Variants in SERGEF observed in about 807,000 individuals in gnomAD.
SERGEF encodes the protein secretion-regulating guanine nucleotide exchange factor.
SERGEF carries 51 observed loss-of-function variants against 50.0 expected under a neutral mutation model. That is an observed-to-expected ratio of 1.02 (90% CI 0.81 to 1.29). The LOEUF is 1.29. SERGEF is among the 50% of genes most tolerant of loss of function. The pLI is 0.00. For missense variants in SERGEF, 521 were observed against 557.0 expected (o/e 0.94, Z 0.65); for synonymous variants, 205 against 212.4 (o/e 0.97, Z 0.30).
chr11:17,822,459 G>A (rs986185944), intron 10 of SERGEF, among the ~76,000 whole-genome samples: 1 of 152,208 alleles, frequency 6.6e-6, no homozygotes, highest in Non-Finnish European at 1.5e-5. Flanking sequence ...CAAGAGAGGT[G>A]AAGGGGAAGT....
intron 10 of SERGEF, among the ~76,000 whole-genome samples, chr11:17,863,349 C>G (rs555794420): frequency 6.6e-6 from 1 of 152,218 alleles, no homozygotes; most frequent in Non-Finnish European, 1.5e-5. Context: ...TAGTTCTACA[C>G]TGTCTAAACA....
chr11:17,987,313 A>T (rs1445686321), intron 8 of SERGEF, among the ~76,000 whole-genome samples: 1 of 152,224 alleles, frequency 6.6e-6, no homozygotes, highest in African/African-American at 2.4e-5. Flanking sequence ...TTTGATAGGC[A>T]TTGGAGATAC....
intron 10 of SERGEF, chr11:17,856,667 G>A (rs1340625810): frequency 6.6e-6 from 1 of 152,150 alleles, no homozygotes; most frequent in Non-Finnish European, 1.5e-5. Context: ...TGTGAAACAG[G>A]TATAATAATA....
chr11:17,968,235 G>A (rs1317839873), intron 8 of SERGEF, among the ~76,000 whole-genome samples: 4 of 152,180 alleles, frequency 2.6e-5, no homozygotes, highest in Non-Finnish European at 5.9e-5. Context: ...AAGGATATCA[G>A]AGACCATCTA....
chr11:17,915,633 C>T (rs1590195247), intron 9 of SERGEF, among the ~76,000 whole-genome samples: 1 of 152,206 alleles, frequency 6.6e-6, no homozygotes, highest in Non-Finnish European at 1.5e-5. Context: ...TTTCTTTGAT[C>T]TCATAACAGT....
At chr11:17,798,784 C>T (rs1208897211) in intron 10 of SERGEF, among the ~76,000 whole-genome samples, 1 of 152,240 alleles carries the variant, frequency 6.6e-6, no homozygotes. Context: ...CTACTATGAT[C>T]ACATATGGCG....
At chr11:17,972,635 C>T (rs550142371) in intron 8 of SERGEF, among the ~76,000 whole-genome samples, 3 of 152,328 alleles carry the variant, frequency 2.0e-5, no homozygotes, top group East Asian at 3.9e-4. Context: ...TTGTGTGACT[C>T]GCTTTATTGG....
chr11:17,801,217 A>G (rs1296960715), intron 10 of SERGEF, among the ~76,000 whole-genome samples: 4 of 151,926 alleles, frequency 2.6e-5, no homozygotes, highest in African/African-American at 9.7e-5. Flanking sequence ...AAGAAAGAAA[A>G]AAAAATTCAA....
At chr11:17,874,363 GCT>G (rs1851204360) in intron 10 of SERGEF, 1 of 152,216 alleles carries the variant, frequency 6.6e-6, no homozygotes, top group South Asian at 2.1e-4. Flanking sequence ...AATGGCCTCA[GCT>G]CTCTCTTTTC....
At position 17,975,871 on chromosome 11, in the gene SERGEF, C is replaced by T. The variant is rs773598426; in HGVS notation, c.844+12726G>A. Among the ~76,000 whole-genome samples, 8 of 152,284 alleles carry T rather than the reference C, an allele frequency of 5.3e-5. No individual in the cohort carries two copies. In the South Asian group the frequency reaches 8.3e-4, roughly 16 times the overall value. On this transcript the variant is annotated intron_variant, in intron 8 of 10. Coordinates refer to ENST00000265965, the MANE Select transcript of SERGEF (RefSeq NM_012139.4). ...AAGCAAACTACACCACAGAGCACTT[C>T]CCACTTCTATAGATTTTTTCGCAGT...
At chr11:17,903,015 G>A (rs554315539) in intron 9 of SERGEF, among the ~76,000 whole-genome samples, 5 of 152,282 alleles carry the variant, frequency 3.3e-5, no homozygotes, top group Middle Eastern at 3.4e-3. Context: ...GGCTTTCCTC[G>A]GAAGGATAAA....
chr11:17,945,379 C>T (rs1852637976), intron 9 of SERGEF, among the ~76,000 whole-genome samples: 1 of 152,222 alleles, frequency 6.6e-6, no homozygotes, highest in Non-Finnish European at 1.5e-5. Context: ...ATTACACTAT[C>T]TATACCTGCA....
intron 10 of SERGEF, among the ~76,000 whole-genome samples, chr11:17,817,024 A>G (rs370104822): frequency 2.6e-5 from 4 of 152,144 alleles, no homozygotes; most frequent in African/African-American, 7.2e-5. Flanking sequence ...GTATCTGCCT[A>G]AAGACCAGAG....
chr11:17,831,036 C>T (rs765012641), intron 10 of SERGEF, among the ~76,000 whole-genome samples: 7 of 152,192 alleles, frequency 4.6e-5, no homozygotes, highest in East Asian at 3.9e-4. Flanking sequence ...TCTATTTTCA[C>T]GGTAAACTGA....
rs1196707136 is a variant in SERGEF at position 17,896,797 on chromosome 11, G to A, written c.1012-18553C>T. On this transcript the variant is annotated intron_variant, in intron 9 of 10. Transcript: ENST00000265965. ...AAGGGAAGGGTAAGGGAAGGGTAAG[G>A]GAAGGGTAAGGGAAGGGTAAGGGAA... Among the ~76,000 whole-genome samples the A allele has an allele frequency of 8.9e-5, 12 of 134,212 alleles. 1 individual carries two copies. Among genetic ancestry groups the A allele is most frequent in the Non-Finnish European group, 1.9e-4 (12 of 61,770 alleles). 88.0% of individuals were successfully genotyped at this position (134,212 alleles called of 152,430 possible).
At chr11:17,905,417 T>A (rs1264978302) in intron 9 of SERGEF, among the ~76,000 whole-genome samples, 1 of 152,232 alleles carries the variant, frequency 6.6e-6, no homozygotes, top group East Asian at 1.9e-4. Flanking sequence ...ATCTGAGCCC[T>A]TGCTCTGAGG....
At chr11:18,010,204 C>G in intron 1 of SERGEF, 1 of 614,344 alleles carries the variant, frequency 1.6e-6, no homozygotes, top group South Asian at 1.9e-5. Flanking sequence ...TACATACATA[C>G]ATACATAATC....
chr11:17,974,036 G>C (rs1853312963), intron 8 of SERGEF, among the ~76,000 whole-genome samples: 1 of 152,194 alleles, frequency 6.6e-6, no homozygotes, highest in Non-Finnish European at 1.5e-5. Flanking sequence ...AAGGCTAGTA[G>C]ATGGTGTGAC....
intron 10 of SERGEF, among the ~76,000 whole-genome samples, chr11:17,874,515 T>C (rs76587382): frequency 1.5e-3 from 224 of 152,258 alleles, no homozygotes; most frequent in Middle Eastern, 3.4e-3. Flanking sequence ...AGAAACTTAA[T>C]TGGAAAACTA....
Sources: allele counts gnomAD v4.1 joint callset (sites outside exome capture counted in the v4.1 genomes callset), GRCh38; gene constraint gnomAD v4.1.1; transcripts MANE v1.5; gene names NCBI Gene and HGNC (gene_info 2026-07-23, HGNC 2026-07-21).